The following DNM1L variants were observed in gnomAD, a reference collection of about 807,000 sequenced individuals.
The protein encoded by DNM1L is dynamin 1L, also known as dynamin-1-like protein.
Under a neutral mutation model 92.8 loss-of-function variants are expected in DNM1L, and 33 were observed. The observed-to-expected ratio is 0.36, with a 90% CI of 0.27 to 0.48. The LOEUF is 0.48. Ranked by LOEUF, DNM1L falls within the 20% of genes least tolerant of loss-of-function variation. The pLI is 0.99. For missense variants in DNM1L, 485 were observed against 888.8 expected, an observed-to-expected ratio of 0.55 and a Z score of 5.78; for synonymous variants, 284 against 305.0, an observed-to-expected ratio of 0.93 and a Z score of 0.72.
chr12:32,731,391 A>C lies in DNM1L; in HGVS notation c.1236A>C (p.Ser412=), dbSNP rs2137523537. 6.2e-7 allele frequency: 1 copy of C among 1,614,150 alleles called. No individual in the cohort carries two copies. Among genetic ancestry groups the C allele is most frequent in the African/African-American group, 1.3e-5 (1 of 75,040 alleles). The change falls in exon 11 of 20, where the codon TCA becomes TCC. Residue 412 remains serine, a synonymous_variant. Coordinates refer to ENST00000549701, the MANE Select transcript of DNM1L (RefSeq NM_012062.5). The surrounding 1 kb of genome is among the most constrained non-coding windows in gnomAD (Gnocchi z 5.1). The stretch of plus-strand genomic sequence containing the variant: ...CTGCTTTATTTGTGCCTGAGGTTTC[A>C]TTTGAGTTACTGGTGAAGCGGCAAA... ...PRPALFVPEV[S]FELLVKRQIK...
At chr12:32,739,647 T>C in intron 16 of DNM1L, among the ~76,000 whole-genome samples, 1 of 152,158 alleles carries the variant, frequency 6.6e-6, no homozygotes, top group East Asian at 1.9e-4. Context: ...ACTTTTAGAG[T>C]TTAACAGTGT....
At chr12:32,716,251 G>GT (rs1423773572) in intron 6 of DNM1L, among the ~76,000 whole-genome samples, 1 of 151,274 alleles carries the variant, frequency 6.6e-6, no homozygotes, top group Non-Finnish European at 1.5e-5. Flanking sequence ...GTGGGGGGGG[G>GT]TGGCAATGTC....
Position 32,737,207 on chromosome 12 carries a change from T to C in DNM1L, c.1596+46T>C, listed in dbSNP as rs761326881. ...CATATTCCCAATACCTAAAGATAGA[T>C]TGATGAGCTCAGAATATTACTCAGT... On this transcript the variant is annotated intron_variant, in intron 14 of 19. Coordinates refer to ENST00000549701, the MANE Select transcript of DNM1L (RefSeq NM_012062.5). 18 of 1,594,076 alleles carry C rather than the reference T, an allele frequency of 1.1e-5. No individual in the cohort carries two copies. The African/African-American group carries it at 1.2e-4, about 11-fold the overall frequency.
intron 8 of DNM1L, 30 bp from the exon 9 acceptor site, chr12:32,722,397 T>G: frequency 6.3e-7 from 1 of 1,597,838 alleles, no homozygotes. Context: ...CAATTTTACT[T>G]TTAAATCCTT....
chr12:32,680,772 A>G (rs1211795480), intron 1 of DNM1L, among the ~76,000 whole-genome samples: 1 of 152,208 alleles, frequency 6.6e-6, no homozygotes, highest in Non-Finnish European at 1.5e-5. Context: ...TTTTGAGTAA[A>G]TATTGCTCAC....
chr12:32,690,178 ATAG>A (rs1341891352), intron 1 of DNM1L, among the ~76,000 whole-genome samples: 6 of 152,244 alleles, frequency 3.9e-5, no homozygotes. Flanking sequence ...AGTACCATTT[ATAG>A]TAGTGAATCT....
intron 13 of DNM1L, among the ~76,000 whole-genome samples, chr12:32,735,357 A>G (rs549456853): frequency 1.3e-5 from 2 of 152,292 alleles, no homozygotes; most frequent in Non-Finnish European, 2.9e-5. Context: ...GGGGTCCAGG[A>G]GCAGCTCAGA....
chr12:32,701,929 T>G (rs1402754275), intron 2 of DNM1L, among the ~76,000 whole-genome samples: 1 of 151,108 alleles, frequency 6.6e-6, no homozygotes, highest in Non-Finnish European at 1.5e-5. Flanking sequence ...GGTTTCACTT[T>G]GTTGGCCAGG....
At chr12:32,705,211 C>G (rs1435453995) in intron 2 of DNM1L, among the ~76,000 whole-genome samples, 1 of 151,916 alleles carries the variant, frequency 6.6e-6, no homozygotes, top group Non-Finnish European at 1.5e-5. Context: ...CCATGTTGGC[C>G]AGGCTGGTCT....
chr12:32,708,950 T>C (rs1488201401), intron 4 of DNM1L, among the ~76,000 whole-genome samples: 1 of 152,160 alleles, frequency 6.6e-6, no homozygotes, highest in East Asian at 1.9e-4. Context: ...TCTTATATTA[T>C]CCAGAGGCAC....
At chr12:32,685,144 A>C (rs1951955474) in intron 1 of DNM1L, among the ~76,000 whole-genome samples, 1 of 151,742 alleles carries the variant, frequency 6.6e-6, no homozygotes, top group Non-Finnish European at 1.5e-5. Flanking sequence ...TCACCGTGTT[A>C]GCCAGGATGG....
chr12:32,693,852 G>C (rs959600709), intron 1 of DNM1L, among the ~76,000 whole-genome samples: 2 of 152,010 alleles, frequency 1.3e-5, no homozygotes, highest in African/African-American at 4.8e-5. Flanking sequence ...TGCCCAGGAT[G>C]GTCTTGAACT....
intron 1 of DNM1L, among the ~76,000 whole-genome samples, chr12:32,690,698 T>C (rs1952194911): frequency 6.6e-6 from 1 of 152,090 alleles, no homozygotes; most frequent in Admixed American, 6.6e-5. Context: ...TCTCATAGAG[T>C]TGTTAGACTT....
intron 2 of DNM1L, among the ~76,000 whole-genome samples, chr12:32,702,405 T>G (rs1036963934): frequency 6.6e-6 from 1 of 152,174 alleles, no homozygotes; most frequent in Non-Finnish European, 1.5e-5. Flanking sequence ...TTTGAAATGT[T>G]GAATGAGAGT....
At chr12:32,709,909 A>T (rs972685679) in intron 4 of DNM1L, among the ~76,000 whole-genome samples, 1 of 152,196 alleles carries the variant, frequency 6.6e-6, no homozygotes, top group African/African-American at 2.4e-5. Flanking sequence ...ATATAATTGT[A>T]TAGGGAATGT....
chr12:32,742,893 T>A, intron 19 of DNM1L, 145 bp downstream of exon 19: 5 of 703,160 alleles, frequency 7.1e-6, no homozygotes, highest in African/African-American at 2.3e-5. Context: ...AGAATCTTTT[T>A]TTTTTTTTTT....
At chr12:32,709,762 A>G (rs1352000807) in intron 4 of DNM1L, among the ~76,000 whole-genome samples, 1 of 152,230 alleles carries the variant, frequency 6.6e-6, no homozygotes, top group Non-Finnish European at 1.5e-5. Context: ...TATTGGACTG[A>G]TAGGGGAATG....
At chr12:32,696,660 A>C (rs3956371) in intron 1 of DNM1L, among the ~76,000 whole-genome samples, 24,807 of 150,150 alleles carry the variant, frequency 0.17, 2,258 homozygotes, top group African/African-American at 0.25. Context: ...CAGGTTTGTT[A>C]TTGTTGTCCA....
At chr12:32,704,186 G>GA (rs1018548264) in intron 2 of DNM1L, among the ~76,000 whole-genome samples, 2 of 151,418 alleles carry the variant, frequency 1.3e-5, no homozygotes, top group African/African-American at 4.9e-5. Context: ...AAAAAAATGT[G>GA]AAAAAAAAAT....
Sources: allele counts gnomAD v4.1 joint callset (sites outside exome capture counted in the v4.1 genomes callset), GRCh38; gene constraint gnomAD v4.1.1; non-coding constraint Gnocchi (gnomAD v3.1); transcripts MANE v1.5; gene names NCBI Gene and HGNC (gene_info 2026-07-23, HGNC 2026-07-21).